The following FAM24B variants were observed in gnomAD, a reference collection of about 807,000 sequenced individuals.
FAM24B encodes family with sequence similarity 24 member B.
Under a neutral mutation model 2.3 loss-of-function variants are expected in FAM24B, and 3 were observed. That is an observed-to-expected ratio of 1.29 (90% CI 0.59 to 3.32). The LOEUF (loss-of-function observed/expected upper bound fraction) is 3.32, where lower values mean the gene tolerates loss of function less well. Among genes scored for constraint, FAM24B ranks in the 30% most tolerant of loss-of-function variants. The pLI, the probability that FAM24B is intolerant of heterozygous loss-of-function variation, is 0.03. For synonymous variants in FAM24B, 36 were observed against 46.3 expected, an observed-to-expected ratio of 0.78 and a Z score of 0.90; for missense variants, 98 against 117.2, an observed-to-expected ratio of 0.84 and a Z score of 0.76.
chr10:122,858,491 A>G (rs1428333023), intron 1 of FAM24B, among the ~76,000 whole-genome samples: 1 of 152,006 alleles, frequency 6.6e-6, no homozygotes, highest in Non-Finnish European at 1.5e-5. Context: ...AACATGGCAC[A>G]TGTATACATA....
intron 1 of FAM24B, among the ~76,000 whole-genome samples, chr10:122,870,314 A>G (rs187191696): frequency 6.6e-6 from 1 of 152,226 alleles, no homozygotes; most frequent in Admixed American, 6.5e-5. Flanking sequence ...AACCAAAAAA[A>G]GTCCAGGACC....
chr10:122,858,362 T>C (rs1415470506), intron 1 of FAM24B, among the ~76,000 whole-genome samples: 2 of 142,718 alleles, frequency 1.4e-5, no homozygotes, highest in Non-Finnish European at 3.0e-5. Context: ...ATGAGAACAC[T>C]TGGACACAGG....
At chr10:122,858,070 T>A (rs1001380144) in intron 1 of FAM24B, among the ~76,000 whole-genome samples, 5 of 152,192 alleles carry the variant, frequency 3.3e-5, no homozygotes. Flanking sequence ...CCCAAAGGAT[T>A]ATAAATCATG....
At chr10:122,868,651 T>A (rs1345992484) in intron 1 of FAM24B, among the ~76,000 whole-genome samples, 1 of 152,072 alleles carries the variant, frequency 6.6e-6, no homozygotes, top group African/African-American at 2.4e-5. Context: ...AGAAAAGAAT[T>A]TTCAACCCAG....
Position 122,852,790 on chromosome 10 carries a change from T to C in FAM24B, c.-35-2240A>G, listed in dbSNP as rs113592091. 6.4e-3 allele frequency among the ~76,000 whole-genome samples: 975 copies of C among 152,328 alleles called. 8 individuals are homozygous for C. Among genetic ancestry groups the C allele is most frequent in the African/African-American group, 0.016 (662 of 41,594 alleles). Reference sequence around the variant, plus strand: ...TTACAGCTTGGTAACAGTAGACATCTAGGCTCTCTACTCAGTCTTCGCTGG... The same window carrying C: ...TTACAGCTTGGTAACAGTAGACATCCAGGCTCTCTACTCAGTCTTCGCTGG... On this transcript the variant is annotated intron_variant, in intron 2 of 3. Coordinates refer to ENST00000368898, the MANE Select transcript of FAM24B (RefSeq NM_152644.3).
At chr10:122,850,074 A>C (rs576255163) in intron 3 of FAM24B, among the ~76,000 whole-genome samples, 1 of 152,302 alleles carries the variant, frequency 6.6e-6, no homozygotes, top group Admixed American at 6.5e-5. Context: ...CAGAATCTGC[A>C]GCCTACAGTG....
At chr10:122,857,284 C>G (rs1346635728) in intron 1 of FAM24B, among the ~76,000 whole-genome samples, 3 of 152,132 alleles carry the variant, frequency 2.0e-5, no homozygotes, top group East Asian at 3.9e-4. Context: ...TCCAGCCTAC[C>G]CTCTAGGGGA....
chr10:122,875,382 T>C (rs1284523408), intron 1 of FAM24B, among the ~76,000 whole-genome samples: 1 of 152,218 alleles, frequency 6.6e-6, no homozygotes, highest in Non-Finnish European at 1.5e-5. Context: ...TACCTTAAAT[T>C]CCCTACTTGA....
At chr10:122,878,340 C>T (rs1020158495) in intron 1 of FAM24B, among the ~76,000 whole-genome samples, 1 of 152,134 alleles carries the variant, frequency 6.6e-6, no homozygotes, top group African/African-American at 2.4e-5. Context: ...TGAGACCAGC[C>T]TGGCCAACAT....
At chr10:122,869,737 G>C (rs7076205) in intron 1 of FAM24B, among the ~76,000 whole-genome samples, 36,810 of 151,934 alleles carry the variant, frequency 0.24, 4,971 homozygotes, top group Non-Finnish European at 0.3. Flanking sequence ...TGAAACCAAC[G>C]AGAACAAAGA....
intron 1 of FAM24B, among the ~76,000 whole-genome samples, chr10:122,863,818 C>T (rs998743760): frequency 1.3e-4 from 20 of 152,180 alleles, no homozygotes; most frequent in African/African-American, 3.1e-4. Flanking sequence ...GGGCCAGTGT[C>T]GGCTACAAGC....
chr10:122,865,861 T>C (rs1847797310), intron 1 of FAM24B, among the ~76,000 whole-genome samples: 1 of 152,040 alleles, frequency 6.6e-6, no homozygotes, highest in Non-Finnish European at 1.5e-5. Context: ...TTTCAGGAAA[T>C]TGATCCATTT....
intron 1 of FAM24B, among the ~76,000 whole-genome samples, chr10:122,870,184 A>G (rs956020569): frequency 6.6e-6 from 1 of 152,222 alleles, no homozygotes; most frequent in African/African-American, 2.4e-5. Flanking sequence ...TAGAAAATCT[A>G]GAAGAAATGG....
intron 2 of FAM24B, chr10:122,850,849 G>T (rs1000127218): frequency 1.9e-5 from 5 of 258,380 alleles, no homozygotes; most frequent in Non-Finnish European, 3.8e-5. Flanking sequence ...TGTGATATGC[G>T]GCTGGAAATA....
chr10:122,865,916 T>TC (rs1847798293), intron 1 of FAM24B, among the ~76,000 whole-genome samples: 1 of 151,804 alleles, frequency 6.6e-6, no homozygotes, highest in African/African-American at 2.4e-5. Context: ...TTATTCTTTT[T>TC]TTTTTTTTTG....
At chr10:122,871,723 T>G (rs986630598) in intron 1 of FAM24B, among the ~76,000 whole-genome samples, 1 of 152,114 alleles carries the variant, frequency 6.6e-6, no homozygotes. Context: ...CTGGGAAAAC[T>G]GGCTAGCCAT....
intron 1 of FAM24B, among the ~76,000 whole-genome samples, chr10:122,879,221 G>C (rs979279060): frequency 6.6e-6 from 1 of 152,348 alleles, no homozygotes; most frequent in East Asian, 1.9e-4. Context: ...GGCACCTGGG[G>C]AAGGCCCGTG....
At chr10:122,869,477 A>G (rs1847856077) in intron 1 of FAM24B, among the ~76,000 whole-genome samples, 1 of 152,224 alleles carries the variant, frequency 6.6e-6, no homozygotes, top group South Asian at 2.1e-4. Flanking sequence ...TCAACAGAAT[A>G]CACATTCTTT....
rs553019483 is a variant in FAM24B, at chr10:122,868,127, G to A, written c.-178+11358C>T. Among the ~76,000 whole-genome samples, 7 of 152,284 alleles carry A rather than the reference G, an allele frequency of 4.6e-5. No homozygotes were observed. The East Asian group carries it at 5.8e-4, about 13-fold the overall frequency. On this transcript the variant is annotated intron_variant, in intron 1 of 3. Transcript: ENST00000368898. ...CTGATGGAGATGAAAACCATGGCAC[G>A]AGAACTACGTGATAAATGCACAAGC...
Sources: allele counts gnomAD v4.1 joint callset (sites outside exome capture counted in the v4.1 genomes callset), GRCh38; gene constraint gnomAD v4.1.1; transcripts MANE v1.5; gene names NCBI Gene and HGNC (gene_info 2026-07-23, HGNC 2026-07-21).